Variants in ZNF516 observed in about 807,000 individuals in gnomAD.
ZNF516 encodes the protein zinc finger protein 516.
ZNF516 carries 19 observed loss-of-function variants against 79.7 expected under a neutral mutation model. That is an observed-to-expected ratio of 0.24 (90% confidence interval 0.17 to 0.35). ZNF516 has a LOEUF of 0.35. ZNF516 is among the 10% of genes least tolerant of loss of function. The probability of loss-of-function intolerance (pLI) is 1.00; values close to 1 mark genes in which losing one functional copy is unlikely to be tolerated. For synonymous variants in ZNF516, 877 were observed against 739.5 expected (o/e 1.19, Z -3.02); for missense variants, 1,678 against 1,679.5 (o/e 1.00, Z 0.02).
chr18:76,482,498 C>T (rs1157465033), intron 1 of ZNF516, among the ~76,000 whole-genome samples: 1 of 152,234 alleles, frequency 6.6e-6, no homozygotes, highest in East Asian at 1.9e-4. Flanking sequence ...TACTTCATGG[C>T]AACCTGCACT....
At chr18:76,491,188 C>G in intron 1 of ZNF516, 1 of 858,802 alleles carries the variant, frequency 1.2e-6, no homozygotes. Context: ...GCCCCCGGAG[C>G]CCGGTCCACG....
chr18:76,364,872 G>A (rs893523442), intron 6 of ZNF516, among the ~76,000 whole-genome samples: 7 of 152,180 alleles, frequency 4.6e-5, no homozygotes, highest in African/African-American at 1.7e-4. Context: ...GTGACTGGGG[G>A]GATTTTGGGT....
intron 6 of ZNF516, among the ~76,000 whole-genome samples, chr18:76,364,664 G>A (rs1290904601): frequency 6.6e-6 from 1 of 152,162 alleles, no homozygotes; most frequent in Admixed American, 6.5e-5. Flanking sequence ...GGTGGGTGTG[G>A]ATCGATGCCC....
intron 2 of ZNF516, among the ~76,000 whole-genome samples, chr18:76,462,126 T>C (rs1913152633): frequency 6.6e-6 from 1 of 152,226 alleles, no homozygotes; most frequent in South Asian, 2.1e-4. Flanking sequence ...GAAGCGTGTT[T>C]CCAGCCTCCG....
intron 1 of ZNF516, among the ~76,000 whole-genome samples, chr18:76,470,149 C>T (rs1053541096): frequency 1.3e-5 from 2 of 152,176 alleles, no homozygotes; most frequent in Non-Finnish European, 2.9e-5. Flanking sequence ...CCAGTTTTCA[C>T]GTTCTCAGAT....
chr18:76,456,563 T>C (rs184314354), intron 2 of ZNF516, among the ~76,000 whole-genome samples: 4 of 152,340 alleles, frequency 2.6e-5, no homozygotes, highest in Non-Finnish European at 4.4e-5. Context: ...ATGTGCTTTG[T>C]AACTTTAGCC....
chr18:76,482,664 C>T (rs934226088), intron 1 of ZNF516, among the ~76,000 whole-genome samples: 3 of 152,234 alleles, frequency 2.0e-5, no homozygotes, highest in South Asian at 2.1e-4. Flanking sequence ...TCTGGGAAGG[C>T]AGCCCTGTCG....
In ZNF516 at chr18:76,441,729, C is replaced by T. The variant is rs367678742; in HGVS notation, c.1326G>A (p.Ala442=). 222 of 1,572,500 alleles carry T rather than the reference C, an allele frequency of 1.4e-4. 3 individuals are homozygous for T. The South Asian group carries it at 2.2e-3, about 15-fold the overall frequency. ...TGTCGAAGGCCACGTCCCCGGCCAG[C>T]GCCTCGTCCCAGGCCCCGTACTTGA... is the stretch of plus-strand genomic sequence containing the variant. ...EYLKYGAWDE[A]LAGDVAFDKD... is the part of the protein sequence containing the mutation. The change falls in exon 3 of 7, where the codon GCG becomes GCA. Residue 442 remains alanine, a synonymous_variant. Transcript: ENST00000443185.
rs1249217367 is a variant in ZNF516, at chr18:76,459,906, C to T, written c.-158+3122G>A. 4.6e-5 allele frequency among the ~76,000 whole-genome samples: 7 copies of T among 152,216 alleles called. No homozygotes were observed. Among genetic ancestry groups the T allele is most frequent in the Admixed American group, 2.6e-4 (4 of 15,290 alleles). Reference sequence around the variant, plus strand: ...ACGCCGGGTGGGGTCTTTACGTAGGCAGCCTCCTTGGCATCGGGCAGGTCT... The same window carrying T: ...ACGCCGGGTGGGGTCTTTACGTAGGTAGCCTCCTTGGCATCGGGCAGGTCT... On this transcript the variant is annotated intron_variant, in intron 2 of 6. Transcript: ENST00000443185. The surrounding 1 kb of genome is among the most constrained non-coding windows in gnomAD (Gnocchi z 5.0).
chr18:76,479,832 G>A (rs533821788), intron 1 of ZNF516, among the ~76,000 whole-genome samples: 1 of 152,186 alleles, frequency 6.6e-6, no homozygotes, highest in South Asian at 2.1e-4. Context: ...CCACACCCAG[G>A]ACCCTGACAC....
intron 3 of ZNF516, among the ~76,000 whole-genome samples, chr18:76,402,063 G>A (rs1187115855): frequency 6.6e-6 from 1 of 151,752 alleles, no homozygotes; most frequent in Non-Finnish European, 1.5e-5. Context: ...AGTGGTCTCT[G>A]CATCCCACAG....
rs547384566 is a variant in ZNF516 at position 76,459,085 on chromosome 18, C to T, written c.-158+3943G>A. ...CAAATACCCTACCTGGAGGCAAACA[C>T]GCATGTCCACTTCCAACAATCTACC... On this transcript the variant is annotated intron_variant, in intron 2 of 6. Coordinates refer to ENST00000443185, the MANE Select transcript of ZNF516 (RefSeq NM_014643.4). The surrounding 1 kb of genome is among the most constrained non-coding windows in gnomAD (Gnocchi z 5.0). Among the ~76,000 whole-genome samples the T allele has an allele frequency of 2.8e-4, 43 of 152,350 alleles. 1 individual carries two copies. Among genetic ancestry groups the T allele is most frequent in the African/African-American group, 9.1e-4 (38 of 41,586 alleles).
intron 2 of ZNF516, among the ~76,000 whole-genome samples, chr18:76,460,597 G>A (rs191117370): frequency 1.3e-3 from 205 of 152,276 alleles, no homozygotes; most frequent in African/African-American, 4.4e-3. Context: ...AAAAAACTGG[G>A]AGGAAGGTGG....
intron 3 of ZNF516, among the ~76,000 whole-genome samples, chr18:76,427,867 CA>C (rs199947682): frequency 6.7e-5 from 10 of 149,598 alleles, no homozygotes; most frequent in Admixed American, 2.7e-4. Context: ...CTTATGCTCA[CA>C]AAAAAAAATG....
intron 3 of ZNF516, among the ~76,000 whole-genome samples, chr18:76,401,953 ATGAC>A: frequency 6.6e-6 from 1 of 152,078 alleles, no homozygotes; most frequent in African/African-American, 2.4e-5. Context: ...TTTCCACAGA[ATGAC>A]TGCACATGCA....
chr18:76,494,234 A>AACCGTAACTAACTAACT (rs1171894716), intron 1 of ZNF516, among the ~76,000 whole-genome samples: 2 of 152,190 alleles, frequency 1.3e-5, no homozygotes, highest in African/African-American at 4.8e-5. Context: ...GGTTTAATCT[A>AACCGTAACTAACTAACT]AATACTGATC....
intron 1 of ZNF516, among the ~76,000 whole-genome samples, chr18:76,464,475 A>C (rs1051103304): frequency 3.9e-5 from 6 of 152,256 alleles, no homozygotes; most frequent in African/African-American, 1.4e-4. Flanking sequence ...AAACCCCAAG[A>C]GTCATGGAGA....
intron 3 of ZNF516, among the ~76,000 whole-genome samples, chr18:76,395,509 A>G (rs1431866893): frequency 6.6e-6 from 1 of 152,194 alleles, no homozygotes; most frequent in African/African-American, 2.4e-5. Flanking sequence ...TTCAGCAGGT[A>G]TCTCTTAAGG....
chr18:76,479,014 C>T (rs1392947082), intron 1 of ZNF516, among the ~76,000 whole-genome samples: 1 of 152,002 alleles, frequency 6.6e-6, no homozygotes, highest in Non-Finnish European at 1.5e-5. Flanking sequence ...CGAGATCATG[C>T]CACTGCACTC....
Sources: gnomAD v4.1 joint callset for allele counts (sites outside exome capture counted in the v4.1 genomes callset) on GRCh38, gnomAD v4.1.1 for gene constraint, Gnocchi (gnomAD v3.1) non-coding constraint, MANE v1.5 for transcripts, NCBI Gene and HGNC (gene_info 2026-07-23, HGNC 2026-07-21) for gene names.